The following MAP3K13 variants were observed in gnomAD, a reference collection of about 807,000 sequenced individuals.
MAP3K13 encodes leucine zipper-bearing kinase.
Under a neutral mutation model 104.0 loss-of-function variants are expected in MAP3K13, and 52 were observed. That is an observed-to-expected ratio of 0.50 (90% CI 0.40 to 0.63). MAP3K13 has a LOEUF of 0.63. Ranked by LOEUF, MAP3K13 falls within the 20% of genes least tolerant of loss-of-function variation. MAP3K13 has a pLI of 0.00. For synonymous variants in MAP3K13, 394 were observed against 442.2 expected (o/e 0.89, Z 1.37); for missense variants, 914 against 1,218.5 (o/e 0.75, Z 3.72).
At position 185,428,947 on chromosome 3, in the gene MAP3K13, G is replaced by T; in HGVS notation, c.366G>T (p.Arg122Ser). The T allele has an allele frequency of 1.2e-6, 2 of 1,614,194 alleles. No homozygotes were observed. Among genetic ancestry groups the T allele is most frequent in the East Asian group, 2.2e-5 (1 of 44,892 alleles). ...AAGACATAAAGATTCAGTTCAGCAGGTCAGGCAGTGGCAGTGGTGGGTTTC... is the reference window on the plus strand; with the variant it reads ...AAGACATAAAGATTCAGTTCAGCAGTTCAGGCAGTGGCAGTGGTGGGTTTC... ...GTEDIKIQFS[R>S]SGSGSGGFLE... Residue 122 changes from arginine (R) to serine (S), a missense_variant, in exon 2 of 14, where the codon AGG becomes AGT. Physicochemically the swap from Arg to Ser is moderately radical, Grantham distance 110 (BLOSUM62 -1). Transcript: ENST00000265026.
chr3:185,389,429 G>C (rs1266613947), intron 1 of MAP3K13, among the ~76,000 whole-genome samples: 1 of 152,082 alleles, frequency 6.6e-6, no homozygotes, highest in Non-Finnish European at 1.5e-5. Context: ...TAAAGTCTGA[G>C]CATAATGCAT....
At chr3:185,343,182 G>A (rs1722784013) in intron 2 of MAP3K13, among the ~76,000 whole-genome samples, 1 of 151,992 alleles carries the variant, frequency 6.6e-6, no homozygotes, top group Non-Finnish European at 1.5e-5. Context: ...GTTCATCCCA[G>A]CACCTTTTCT....
At chr3:185,314,547 C>T (rs1040067544) in intron 2 of MAP3K13, among the ~76,000 whole-genome samples, 2 of 148,992 alleles carry the variant, frequency 1.3e-5, no homozygotes, top group African/African-American at 5.0e-5. Context: ...GCCCAGGAGG[C>T]GGAGGTTGCA....
chr3:185,335,564 T>C (rs1722469208), intron 2 of MAP3K13, among the ~76,000 whole-genome samples: 1 of 152,082 alleles, frequency 6.6e-6, no homozygotes, highest in South Asian at 2.1e-4. Context: ...ATATATATTG[T>C]CCCTCAGTAT....
Position 185,391,802 on chromosome 3 carries a change from A to G in MAP3K13, c.-86+28434A>G, listed in dbSNP as rs1344321823. Among the ~76,000 whole-genome samples the G allele has an allele frequency of 2.0e-5, 3 of 152,118 alleles. No homozygotes were observed. In the East Asian group the frequency reaches 5.8e-4, roughly 29 times the overall value. The stretch of plus-strand genomic sequence containing the variant: ...AAAACTCTGTTTCATCTCTCCTAGG[A>G]TGGCCATTCTATGGAACTGTTCACA... On this transcript the variant is annotated intron_variant, in intron 1 of 13. Transcript: ENST00000265026.
intron 1 of MAP3K13, among the ~76,000 whole-genome samples, chr3:185,416,440 C>T (rs1397150538): frequency 6.6e-6 from 1 of 151,632 alleles, no homozygotes; most frequent in East Asian, 1.9e-4. Context: ...GAGGTGGATT[C>T]TGTTGTTACT....
Position 185,482,621 on chromosome 3 carries a change from C to G in MAP3K13, c.*165C>G. 1 of 531,974 alleles carries G rather than the reference C, an allele frequency of 1.9e-6. No individual in the cohort carries two copies. Among genetic ancestry groups the G allele is most frequent in the East Asian group, 3.0e-5 (1 of 33,770 alleles). 33.0% of individuals were successfully genotyped at this position (531,974 alleles called of 1,614,324 possible). A position where few individuals can be genotyped will look rare whatever the true frequency, so the allele number is the denominator to read the frequency against. ...CTGCAATAACAGGAACATGAGACTT[C>G]GCAAATCTCTGGAAAATAATATCCA... On this transcript the variant is annotated 3_prime_UTR_variant, in exon 14 of 14. Coordinates refer to ENST00000265026, the MANE Select transcript of MAP3K13 (RefSeq NM_004721.5). This position sits in a 1 kb window ranked among gnomAD's most constrained non-coding sequence, Gnocchi z 4.5.
At chr3:185,323,333 CTTTTTTTTTT>C (rs869206853) in intron 2 of MAP3K13, among the ~76,000 whole-genome samples, 2 of 134,328 alleles carry the variant, frequency 1.5e-5, no homozygotes, top group Non-Finnish European at 3.2e-5. Context: ...TTTGGCATAC[CTTTTTTTTTT>C]TTTTTTTTTT....
In MAP3K13 at chr3:185,299,771, T is replaced by C. The variant is rs576942878; in HGVS notation, c.-86+14128T>C. ...TTAGTAGAGACGGGGTTTCACCTTG[T>C]TAGCCAGGATGGTCTCGATCTCCTG... On this transcript the variant is annotated intron_variant, in intron 2 of 14. Transcript: ENST00000424227. 3.2e-5 allele frequency among the ~76,000 whole-genome samples: 2 copies of C among 61,846 alleles called. 1 individual carries two copies. The highest frequency in any genetic ancestry group is 1.1e-3 in the South Asian group (2 of 1,802). 40.6% of individuals were successfully genotyped at this position (61,846 alleles called of 152,430 possible). A position where few individuals can be genotyped will look rare whatever the true frequency, so the allele number is the denominator to read the frequency against.
intron 1 of MAP3K13, among the ~76,000 whole-genome samples, chr3:185,389,678 A>G (rs1711920157): frequency 6.6e-6 from 1 of 151,994 alleles, no homozygotes; most frequent in Admixed American, 6.6e-5. Context: ...GCAATTCTCA[A>G]ACTTTTTGGT....
rs545057454 is a variant in MAP3K13, at chr3:185,472,244, C to T, written c.1644-731C>T. On this transcript the variant is annotated intron_variant, in intron 10 of 13. Transcript: ENST00000265026. ...TTTTTTTTTGAGACAGAGTCTCACT[C>T]TGTTGCCCAGGCTGGAGTAGTGTAG... is the stretch of plus-strand genomic sequence containing the variant. Among the ~76,000 whole-genome samples the T allele has an allele frequency of 1.0e-3, 139 of 135,986 alleles. 3 individuals carry two copies. The Middle Eastern group carries it at 0.022, about 22-fold the overall frequency. The allele number at this position is 135,986 out of a possible 152,430, so 89.2% of individuals were successfully genotyped here. A position where few individuals can be genotyped will look rare whatever the true frequency, so the allele number is the denominator to read the frequency against.
chr3:185,305,110 A>G (rs1451053819), intron 2 of MAP3K13, among the ~76,000 whole-genome samples: 1 of 152,154 alleles, frequency 6.6e-6, no homozygotes, highest in Admixed American at 6.5e-5. Flanking sequence ...ATTTGAAGTA[A>G]TTATTGTTAG....
intron 2 of MAP3K13, chr3:185,329,186 G>A (rs1577429510): frequency 2.8e-6 from 2 of 702,640 alleles, no homozygotes; most frequent in African/African-American, 1.7e-5. Flanking sequence ...AACAGGTCCC[G>A]TGTGCACGAA....
intron 3 of MAP3K13, among the ~76,000 whole-genome samples, chr3:185,442,815 G>A (rs1326600756): frequency 6.6e-6 from 1 of 151,666 alleles, no homozygotes; most frequent in African/African-American, 2.4e-5. Flanking sequence ...TTACAAGCGT[G>A]AGCCACCGCG....
intron 7 of MAP3K13, among the ~76,000 whole-genome samples, chr3:185,456,181 A>G (rs929470020): frequency 2.0e-5 from 3 of 151,970 alleles, no homozygotes; most frequent in Admixed American, 1.3e-4. Flanking sequence ...GAAATGATAA[A>G]TCAGAGACTC....
chr3:185,324,099 C>T (rs894292247), intron 2 of MAP3K13, among the ~76,000 whole-genome samples: 5 of 152,170 alleles, frequency 3.3e-5, no homozygotes, highest in African/African-American at 1.2e-4. Context: ...CCAGCTCTGC[C>T]TCCTGGGTTC....
intron 1 of MAP3K13, among the ~76,000 whole-genome samples, chr3:185,402,843 A>G (rs1325493171): frequency 6.6e-6 from 1 of 152,196 alleles, no homozygotes; most frequent in African/African-American, 2.4e-5. Context: ...TCTGAATTCC[A>G]AGGGCTTTCC....
At chr3:185,326,596 A>G (rs886486258) in intron 2 of MAP3K13, among the ~76,000 whole-genome samples, 3 of 152,174 alleles carry the variant, frequency 2.0e-5, no homozygotes, top group Non-Finnish European at 4.4e-5. Context: ...CGTTTTACAG[A>G]TGAGTCAGCT....
At chr3:185,405,062 G>A (rs1236347070) in intron 1 of MAP3K13, among the ~76,000 whole-genome samples, 1 of 152,132 alleles carries the variant, frequency 6.6e-6, no homozygotes, top group East Asian at 1.9e-4. Flanking sequence ...TCAGTACATT[G>A]AATATTTCTT....
Sources: gnomAD v4.1 joint callset for allele counts (sites outside exome capture counted in the v4.1 genomes callset) on GRCh38, gnomAD v4.1.1 for gene constraint, Gnocchi (gnomAD v3.1) non-coding constraint, MANE v1.5 for transcripts, NCBI Gene and HGNC (gene_info 2026-07-23, HGNC 2026-07-21) for gene names.